Variants in NPTX1 observed in about 807,000 individuals in gnomAD.
NPTX1 encodes the protein neuronal pentraxin 1.
A neutral mutation model predicts 38.7 loss-of-function variants in NPTX1; 12 were observed. That is an observed-to-expected ratio of 0.31 (90% CI 0.20 to 0.50). The LOEUF (loss-of-function observed/expected upper bound fraction) is 0.50, where lower values mean the gene tolerates loss of function less well. Among genes scored for constraint, NPTX1 ranks in the 20% least tolerant of loss-of-function variants. The pLI is 0.98. For missense variants in NPTX1, 454 were observed against 592.2 expected, an observed-to-expected ratio of 0.77 and a Z score of 2.42; for synonymous variants, 272 against 264.9, an observed-to-expected ratio of 1.03 and a Z score of -0.26.
rs769702562 is a variant in NPTX1, at chr17:80,470,960, G to A, written c.1152C>T (p.Arg384=). 2 of 1,613,786 alleles carry A rather than the reference G, an allele frequency of 1.2e-6. No individual in the cohort carries two copies. Among genetic ancestry groups the A allele is most frequent in the African/African-American group, 1.3e-5 (1 of 75,026 alleles). ...GELAHFNIWD[R]KLTPGEVYNL... ...TGTACACCTCCCCGGGGGTCAGCTTGCGGTCCCAGATGTTGAAGTGGGCCA... is the reference window on the plus strand; with the variant it reads ...TGTACACCTCCCCGGGGGTCAGCTTACGGTCCCAGATGTTGAAGTGGGCCA... The change falls in exon 5 of 5, where the codon CGC becomes CGT. Residue 384 remains arginine, a synonymous_variant. Coordinates refer to ENST00000306773, the MANE Select transcript of NPTX1 (RefSeq NM_002522.4).
At chr17:80,474,108 T>C (rs74003911) in intron 2 of NPTX1, 26,291 of 152,562 alleles carry the variant, frequency 0.17, 2,610 homozygotes, top group African/African-American at 0.27. Context: ...GAGCTGGGAG[T>C]ACTCTGGGCG....
chr17:80,475,908 G>T lies in NPTX1; in HGVS notation c.444+95C>A. 2 of 1,113,850 alleles carry T rather than the reference G, an allele frequency of 1.8e-6. No homozygotes were observed. The highest frequency in any genetic ancestry group is 2.5e-6 in the Non-Finnish European group (2 of 801,594). The allele number at this position is 1,113,850 out of a possible 1,614,324, so 69.0% of individuals were successfully genotyped here. A position where few individuals can be genotyped will look rare whatever the true frequency, so the allele number is the denominator to read the frequency against. ...CGGGCACCCGCGCGGCTGAGGCGAG[G>T]GCGGGGGATGCCTGGCCGGGTAGGG... On this transcript the variant is annotated intron_variant, in intron 1 of 4. Transcript: ENST00000306773. This position sits in a 1 kb window ranked among gnomAD's most constrained non-coding sequence, Gnocchi z 6.5.
In NPTX1 at chr17:80,475,963, C is replaced by T. The variant is rs781410140; in HGVS notation, c.444+40G>A. On this transcript the variant is annotated intron_variant, in intron 1 of 4. Coordinates refer to ENST00000306773, the MANE Select transcript of NPTX1 (RefSeq NM_002522.4). This position sits in a 1 kb window ranked among gnomAD's most constrained non-coding sequence, Gnocchi z 6.5. ...GGGTGGGGGAGGGCAGAGGGGCGAGCGAGCCGGAGGGGGAACCGGAGCCGA... is the reference window on the plus strand; with the variant it reads ...GGGTGGGGGAGGGCAGAGGGGCGAGTGAGCCGGAGGGGGAACCGGAGCCGA... The T allele has an allele frequency of 3.4e-5, 52 of 1,525,658 alleles. No homozygotes were observed. Among genetic ancestry groups the T allele is most frequent in the Non-Finnish European group, 3.8e-5 (42 of 1,111,118 alleles). 94.5% of individuals were successfully genotyped at this position (1,525,658 alleles called of 1,614,324 possible). A position where few individuals can be genotyped will look rare whatever the true frequency, so the allele number is the denominator to read the frequency against.
Position 80,475,764 on chromosome 17 carries a change from C to G in NPTX1, c.445-46G>C, listed in dbSNP as rs780431730. On this transcript the variant is annotated intron_variant, in intron 1 of 4. Transcript: ENST00000306773. The surrounding 1 kb of genome is among the most constrained non-coding windows in gnomAD (Gnocchi z 6.5). ...GGAAACCACACCGTTAGGCGAGGCGCGGGGACCGTGCTGGAAGGCCCGCGG... is the reference window on the plus strand; with the variant it reads ...GGAAACCACACCGTTAGGCGAGGCGGGGGGACCGTGCTGGAAGGCCCGCGG... 1.4e-6 allele frequency: 2 copies of G among 1,465,346 alleles called. No individual in the cohort carries two copies. The highest frequency in any genetic ancestry group is 2.8e-5 in the African/African-American group (2 of 72,360). 90.8% of individuals were successfully genotyped at this position (1,465,346 alleles called of 1,614,324 possible).
At chr17:80,473,964 T>C in intron 2 of NPTX1, 1 of 171,542 alleles carries the variant, frequency 5.8e-6, no homozygotes. Context: ...GCCCACACAC[T>C]TCCCTCCAGG....
chr17:80,476,471 G>T lies in NPTX1; in HGVS notation c.-25C>A. On this transcript the variant is annotated 5_prime_UTR_variant, in exon 1 of 5. Coordinates refer to ENST00000306773, the MANE Select transcript of NPTX1 (RefSeq NM_002522.4). The surrounding 1 kb of genome is among the most constrained non-coding windows in gnomAD (Gnocchi z 6.3). ...TGGCTGCGGGCACCGGGCGCTCCGGGCCCGGCTCGGCTCGGCTGGGGCTCG... is the reference window on the plus strand; with the variant it reads ...TGGCTGCGGGCACCGGGCGCTCCGGTCCCGGCTCGGCTCGGCTGGGGCTCG... 8.5e-7 allele frequency: 1 copy of T among 1,182,850 alleles called. No homozygotes were observed. Among genetic ancestry groups the T allele is most frequent in the Non-Finnish European group, 1.0e-6 (1 of 958,272 alleles). The allele number at this position is 1,182,850 out of a possible 1,614,324, so 73.3% of individuals were successfully genotyped here.
intron 2 of NPTX1, chr17:80,474,688 C>T (rs1599507663): frequency 6.6e-6 from 1 of 152,356 alleles, no homozygotes; most frequent in African/African-American, 2.4e-5. Flanking sequence ...TGAGGTCCTT[C>T]CTTCTGATCT....
In NPTX1 at chr17:80,476,117, C is replaced by T. The variant is rs761248481; in HGVS notation, c.330G>A (p.Gln110=). 14 of 1,600,676 alleles carry T rather than the reference C, an allele frequency of 8.7e-6. No individual in the cohort carries two copies. The South Asian group carries it at 1.5e-4, about 18-fold the overall frequency. The change falls in exon 1 of 5, where the codon CAG becomes CAA. Residue 110 remains glutamine (Q), a synonymous_variant. Coordinates refer to ENST00000306773, the MANE Select transcript of NPTX1 (RefSeq NM_002522.4). This position sits in a 1 kb window ranked among gnomAD's most constrained non-coding sequence, Gnocchi z 6.3. ...GEARAGGGRK[Q]PGSGKNTMGD... is the part of the protein sequence containing the mutation. Reference sequence around the variant, plus strand: ...CCATGGTGTTCTTGCCCGAGCCGGGCTGCTTGCGGCCGCCGCCCGCCCGGG... The same window carrying T: ...CCATGGTGTTCTTGCCCGAGCCGGGTTGCTTGCGGCCGCCGCCCGCCCGGG...
intron 2 of NPTX1, chr17:80,473,792 C>T: frequency 3.3e-6 from 1 of 303,100 alleles, no homozygotes; most frequent in Non-Finnish European, 6.3e-6. Flanking sequence ...AGCCGCCAAG[C>T]CAAGTCAACC....
At position 80,468,266 on chromosome 17, in the gene NPTX1, T is replaced by C. The variant is rs1033893556; in HGVS notation, c.*2547A>G. On this transcript the variant is annotated 3_prime_UTR_variant, in exon 5 of 5. Coordinates refer to ENST00000306773, the MANE Select transcript of NPTX1 (RefSeq NM_002522.4). Reference sequence around the variant, plus strand: ...AAGGTCAGCTTCGGCCCTGGCACCATGGGTGGGTCAGAGGAGGGGTGAGGA... The same window carrying C: ...AAGGTCAGCTTCGGCCCTGGCACCACGGGTGGGTCAGAGGAGGGGTGAGGA... 1 of 153,000 alleles carries C rather than the reference T, an allele frequency of 6.5e-6. No homozygotes were observed. Among genetic ancestry groups the C allele is most frequent in the Admixed American group, 6.5e-5 (1 of 15,282 alleles). 9.5% of individuals were successfully genotyped at this position (153,000 alleles called of 1,614,324 possible).
Position 80,471,770 on chromosome 17 carries a change from T to C in NPTX1, c.1039A>G (p.Ile347Val). ...SGENLAPYHP[I>V]KPQGVLVLGQ... ...AGCACCAGCACGCCCTGGGGCTTGA[T>C]GGGGTGATAGGGCGCCAAGTTCTCG... is the stretch of plus-strand genomic sequence containing the variant. Residue 347 changes from isoleucine to valine, a missense_variant, in exon 4 of 5, where the codon ATC (isoleucine) becomes GTC (valine). Transcript: ENST00000306773. 1 of 1,613,200 alleles carries C rather than the reference T, an allele frequency of 6.2e-7. No individual in the cohort carries two copies. Among genetic ancestry groups the C allele is most frequent in the Non-Finnish European group, 8.5e-7 (1 of 1,179,990 alleles).
chr17:80,475,130 G>T lies in NPTX1; in HGVS notation c.652+381C>A, dbSNP rs1377518372. Among the ~76,000 whole-genome samples, 8 of 152,178 alleles carry T rather than the reference G, an allele frequency of 5.3e-5. No individual in the cohort carries two copies. The highest frequency in any genetic ancestry group is 3.9e-4 in the Admixed American group (6 of 15,280). On this transcript the variant is annotated intron_variant, in intron 2 of 4. Coordinates refer to ENST00000306773, the MANE Select transcript of NPTX1 (RefSeq NM_002522.4). This position sits in a 1 kb window ranked among gnomAD's most constrained non-coding sequence, Gnocchi z 6.5. ...CACCCAGCTGTACGCTGAGGCTGGG[G>T]ACCAGGGAGAGACAGGCTTTCTTAA...
At chr17:80,473,800 A>C in intron 2 of NPTX1, 1 of 297,844 alleles carries the variant, frequency 3.4e-6, no homozygotes, top group Non-Finnish European at 6.4e-6. Context: ...AGCCAAGTCA[A>C]CCCAAGGAGC....
In NPTX1 at chr17:80,471,591, G is replaced by A. The variant is rs1168043754; in HGVS notation, c.1077+141C>T. ...CAAGTGCATGTCCACCCAGGGCACA[G>A]GCCTTGCCCAGCCTGCTCCCCGGGC... is the stretch of plus-strand genomic sequence containing the variant. On this transcript the variant is annotated intron_variant, in intron 4 of 4. Transcript: ENST00000306773. The A allele has an allele frequency of 2.2e-6, 3 of 1,362,660 alleles. No homozygotes were observed. The African/African-American group carries it at 4.4e-5, about 20-fold the overall frequency. 84.4% of individuals were successfully genotyped at this position (1,362,660 alleles called of 1,614,324 possible). A position where few individuals can be genotyped will look rare whatever the true frequency, so the allele number is the denominator to read the frequency against.
At chr17:80,472,907 GATCAC>G (rs2143043214) in intron 3 of NPTX1, among the ~76,000 whole-genome samples, 1 of 152,330 alleles carries the variant, frequency 6.6e-6, no homozygotes, top group Non-Finnish European at 1.5e-5. Flanking sequence ...GAGGAGTCCA[GATCAC>G]ATCATCGGGC....
chr17:80,473,365 C>G lies in NPTX1; in HGVS notation c.732G>C (p.Lys244Asn), dbSNP rs1465077283. Residue 244 changes from lysine to asparagine, a missense_variant, in exon 3 of 5, where the codon AAG becomes AAC. By Grantham distance (94) the Lys-to-Asn change is moderately conservative. This residue lies in a region of NPTX1 where 6 missense variants were observed against 22.4 expected (regional missense o/e 0.27). Coordinates refer to ENST00000306773, the MANE Select transcript of NPTX1 (RefSeq NM_002522.4). ...LRTNYMYAKVKKSLPEMYAFT... is the reference protein window; with the variant it reads ...LRTNYMYAKVNKSLPEMYAFT... ...AGGCGTACATCTCTGGCAGGCTCTT[C>G]TTCACCTTGGCATACATATAGTTGG... 6.2e-7 allele frequency: 1 copy of G among 1,613,986 alleles called. No individual in the cohort carries two copies. The highest frequency in any genetic ancestry group is 1.3e-5 in the African/African-American group (1 of 74,936).
rs944588012 is a variant in NPTX1, at chr17:80,471,813, G to A, written c.996C>T (p.Gly332=). The A allele has an allele frequency of 1.2e-6, 2 of 1,613,450 alleles. No homozygotes were observed. The highest frequency in any genetic ancestry group is 2.7e-5 in the African/African-American group (2 of 74,938). ...AGTTCTCGCCACTGCCACCCTGCGT[G>A]CCATCCTGGTAGGCCTCCCAGACCC... ...RDGVWEAYQD[G]TQGGSGENLA... Residue 332 remains glycine (G), a synonymous_variant, in exon 4 of 5, where the codon GGC becomes GGT. Transcript: ENST00000306773.
rs1364628789 is a variant in NPTX1, at chr17:80,473,447, G to A, written c.653-3C>T. 9 of 1,613,474 alleles carry A rather than the reference G, an allele frequency of 5.6e-6. No homozygotes were observed. Among genetic ancestry groups the A allele is most frequent in the Non-Finnish European group, 7.6e-6 (9 of 1,179,816 alleles). On this transcript the variant is annotated splice_polypyrimidine_tract_variant and splice_region_variant and intron_variant, in intron 2 of 4. Coordinates refer to ENST00000306773, the MANE Select transcript of NPTX1 (RefSeq NM_002522.4). ...TCCAGGGCGGTTGTCTTTCTGACCT[G>A]CGGAAGACACAGTCCTGACATCTGC...
Position 80,468,505 on chromosome 17 carries a change from G to A in NPTX1, c.*2308C>T, listed in dbSNP as rs1313605367. 1 of 152,296 alleles carries A rather than the reference G, an allele frequency of 6.6e-6. No homozygotes were observed. Among genetic ancestry groups the A allele is most frequent in the Admixed American group, 6.5e-5 (1 of 15,284 alleles). The allele number at this position is 152,296 out of a possible 1,614,324, so 9.4% of individuals were successfully genotyped here. ...GGAGCACCCCACACAGCCCGCACCG[G>A]GCGTTGCCTACACAAGGGCTCCGAG... On this transcript the variant is annotated 3_prime_UTR_variant, in exon 5 of 5. Transcript: ENST00000306773.
Sources: allele counts gnomAD v4.1 joint callset (sites outside exome capture counted in the v4.1 genomes callset), GRCh38; gene constraint gnomAD v4.1.1; regional missense constraint gnomAD v4.1.1; non-coding constraint Gnocchi (gnomAD v3.1); transcripts MANE v1.5; gene names NCBI Gene and HGNC (gene_info 2026-07-23, HGNC 2026-07-21).